The following IGF2R variants were observed in gnomAD, a reference collection of about 807,000 sequenced individuals.
IGF2R encodes cation-independent mannose-6-phosphate receptor.
A neutral mutation model predicts 270.6 loss-of-function variants in IGF2R; 91 were observed. The ratio of observed to expected loss-of-function variants is 0.34; its 90% CI spans 0.28 to 0.40. The LOEUF is 0.40. Ranked by LOEUF, IGF2R falls within the 10% of genes least tolerant of loss-of-function variation. The probability of loss-of-function intolerance (pLI) is 1.00; values close to 1 mark genes in which losing one functional copy is unlikely to be tolerated. For synonymous variants in IGF2R, 1,316 were observed against 1,258.9 expected (o/e 1.05, Z -0.96); for missense variants, 2,805 against 3,188.3 (o/e 0.88, Z 2.90).
At chr6:160,063,752 A>C (rs1778495151) in intron 27 of IGF2R, 122 bp downstream of exon 27, 2 of 712,324 alleles carry the variant, frequency 2.8e-6, no homozygotes, top group Admixed American at 2.9e-5. Flanking sequence ...AAAAAAAAAA[A>C]AAAGCATATT....
At position 160,024,563 on chromosome 6, in the gene IGF2R, C is replaced by G. The variant is rs148327536; in HGVS notation, c.514-9C>G. On this transcript the variant is annotated splice_polypyrimidine_tract_variant and intron_variant, in intron 4 of 47. Coordinates refer to ENST00000356956, the MANE Select transcript of IGF2R (RefSeq NM_000876.4). ...ACTGAAGACTCACTTTTTTCTTCCTCCCTTCCAGGTGCCATGCTATGTGTT... is the reference window on the plus strand; with the variant it reads ...ACTGAAGACTCACTTTTTTCTTCCTGCCTTCCAGGTGCCATGCTATGTGTT... The G allele has an allele frequency of 6.2e-7, 1 of 1,612,072 alleles. No individual in the cohort carries two copies. The highest frequency in any genetic ancestry group is 8.5e-7 in the Non-Finnish European group (1 of 1,179,416).
intron 4 of IGF2R, among the ~76,000 whole-genome samples, 174 bp from the exon 5 acceptor site, chr6:160,024,398 G>T (rs1308033576): frequency 6.6e-6 from 1 of 152,290 alleles, no homozygotes; most frequent in South Asian, 2.1e-4. Context: ...ATACCGAAAA[G>T]AACGCAGAGG....
intron 10 of IGF2R, among the ~76,000 whole-genome samples, chr6:160,036,951 C>T (rs1777840825): frequency 6.6e-6 from 1 of 152,072 alleles, no homozygotes; most frequent in Non-Finnish European, 1.5e-5. Context: ...GTGAAGGCCT[C>T]CCATAGCTCC....
chr6:160,022,337 C>T (rs778527430), intron 4 of IGF2R, among the ~76,000 whole-genome samples: 96 of 152,280 alleles, frequency 6.3e-4, no homozygotes, highest in Middle Eastern at 3.4e-3. Context: ...AAAGCACAGA[C>T]CTCACCACTG....
At chr6:160,067,215 G>T (rs1440074937) in intron 29 of IGF2R, among the ~76,000 whole-genome samples, 1 of 152,020 alleles carries the variant, frequency 6.6e-6, no homozygotes, top group Non-Finnish European at 1.5e-5. Flanking sequence ...TGTGCCTCGG[G>T]CCCTTTGCTC....
chr6:160,035,399 C>T (rs181698340), intron 10 of IGF2R, among the ~76,000 whole-genome samples: 1 of 152,298 alleles, frequency 6.6e-6, no homozygotes, highest in East Asian at 1.9e-4. Context: ...ATGATGTGAA[C>T]CATGCTCTCG....
rs201170949 is a variant in IGF2R at position 160,079,691 on chromosome 6, G to T, written c.5590G>T (p.Ala1864Ser). 5.2e-6 allele frequency: 8 copies of T among 1,542,598 alleles called. No homozygotes were observed. Among genetic ancestry groups the T allele is most frequent in the East Asian group, 2.3e-5 (1 of 42,612 alleles). ...GVCLLSGTKG[A>S]SFGRLQSMKL... The stretch of plus-strand genomic sequence containing the variant: ...CTGTCTGCTCTCAGGCACCAAGGGG[G>T]CATCCTTTGGACGGCTGCAATCAAT... The change falls in exon 38 of 48, where the codon GCA (alanine) becomes TCA (serine). Residue 1864 changes from alanine (A) to serine (S), a missense_variant. By Grantham distance (99) the Ala-to-Ser change is moderately conservative (BLOSUM62 1). Coordinates refer to ENST00000356956, the MANE Select transcript of IGF2R (RefSeq NM_000876.4).
chr6:159,969,220 C>A lies in IGF2R; in HGVS notation c.-27C>A. 3 of 985,944 alleles carry A rather than the reference C, an allele frequency of 3.0e-6. No individual in the cohort carries two copies. The highest frequency in any genetic ancestry group is 3.6e-6 in the Non-Finnish European group (3 of 831,198). The allele number at this position is 985,944 out of a possible 1,614,324, so 61.1% of individuals were successfully genotyped here. A position where few individuals can be genotyped will look rare whatever the true frequency, so the allele number is the denominator to read the frequency against. On this transcript the variant is annotated 5_prime_UTR_variant, in exon 1 of 48. Coordinates refer to ENST00000356956, the MANE Select transcript of IGF2R (RefSeq NM_000876.4). Reference sequence around the variant, plus strand: ...GCAGTCGCGCGCCGTTAGCCTCGCGCCCGCCGCGCAGTCCGGGCCCGGCGC... The same window carrying A: ...GCAGTCGCGCGCCGTTAGCCTCGCGACCGCCGCGCAGTCCGGGCCCGGCGC...
chr6:159,988,512 CAA>C (rs59531292), intron 1 of IGF2R, among the ~76,000 whole-genome samples: 15 of 50,468 alleles, frequency 3.0e-4, no homozygotes, highest in East Asian at 2.1e-3. Flanking sequence ...GACTCCGTCT[CAA>C]AAAAAAAAAA....
At position 160,102,702 on chromosome 6, in the gene IGF2R, G is replaced by A. The variant is rs1268719333; in HGVS notation, c.6995+31G>A. On this transcript the variant is annotated intron_variant, in intron 46 of 47. Coordinates refer to ENST00000356956, the MANE Select transcript of IGF2R (RefSeq NM_000876.4). The surrounding 1 kb of genome is among the most constrained non-coding windows in gnomAD (Gnocchi z 4.5). ...CGGGTGGCAGGGCGAGGTGGGGCGG[G>A]TGGATGCATGCCTCCCATAGCTAAT... The A allele has an allele frequency of 6.4e-7, 1 of 1,559,560 alleles. No individual in the cohort carries two copies. The highest frequency in any genetic ancestry group is 2.4e-5 in the East Asian group (1 of 42,202).
intron 2 of IGF2R, chr6:160,003,333 G>T (rs1784158848): frequency 6.6e-6 from 1 of 152,094 alleles, no homozygotes; most frequent in Non-Finnish European, 1.5e-5. Context: ...TTGAGTTTTG[G>T]ATACAACTCA....
In IGF2R at chr6:160,053,181, A is replaced by G. The variant is rs375523599; in HGVS notation, c.2694+2529A>G. Among the ~76,000 whole-genome samples, 170 of 152,262 alleles carry G rather than the reference A, an allele frequency of 1.1e-3. 5 individuals are homozygous for G. The South Asian group carries it at 0.034, about 30-fold the overall frequency. On this transcript the variant is annotated intron_variant, in intron 19 of 47. Coordinates refer to ENST00000356956, the MANE Select transcript of IGF2R (RefSeq NM_000876.4). ...AAACTATCATAAGGACAGAAAACCA[A>G]ACACTGCATGTTCTCACTTATAGGT...
chr6:159,990,138 T>TA (rs1409634030), intron 1 of IGF2R, among the ~76,000 whole-genome samples: 1 of 152,234 alleles, frequency 6.6e-6, no homozygotes, highest in African/African-American at 2.4e-5. Flanking sequence ...AAAATAGAGT[T>TA]AAAAAATCCT....
Position 160,061,555 on chromosome 6 carries a change from T to C in IGF2R, c.3315T>C (p.Pro1105=). The C allele has an allele frequency of 2.5e-6, 4 of 1,614,112 alleles. No individual in the cohort carries two copies. The highest frequency in any genetic ancestry group is 2.5e-6 in the Non-Finnish European group (3 of 1,179,980). Residue 1105 remains proline, a synonymous_variant, in exon 24 of 48, where the codon CCT becomes CCC. Transcript: ENST00000356956. ...CTGGCCTAAGCACAGTCAGGAAACC[T>C]TGGACGGCTGTTGACACCTCTGTCG... is the stretch of plus-strand genomic sequence containing the variant. ...DLTGLSTVRK[P]WTAVDTSVDG...
At chr6:160,091,720 G>T (rs1465277680) in intron 44 of IGF2R, among the ~76,000 whole-genome samples, 1 of 152,224 alleles carries the variant, frequency 6.6e-6, no homozygotes, top group African/African-American at 2.4e-5. Flanking sequence ...GTCACAGGTT[G>T]TGCCTTCTCT....
intron 28 of IGF2R, 90 bp from the exon 29 acceptor site, chr6:160,064,714 C>A (rs1366543319): frequency 8.9e-7 from 1 of 1,122,626 alleles, no homozygotes; most frequent in Admixed American, 1.9e-5. Context: ...TGAACGTAAC[C>A]ATTCTTTACT....
rs180964946 is a variant in IGF2R, at chr6:159,987,983, C to T, written c.150-3201C>T. 9.5e-4 allele frequency among the ~76,000 whole-genome samples: 145 copies of T among 152,262 alleles called. 1 individual carries two copies. Among genetic ancestry groups the T allele is most frequent in the Middle Eastern group, 3.4e-3 (1 of 294 alleles). The stretch of plus-strand genomic sequence containing the variant: ...AGTATTTTAATAGGCTCCTCCTTTC[C>T]TACTCCCATAACCACTTACATTTGA... On this transcript the variant is annotated intron_variant, in intron 1 of 47. Coordinates refer to ENST00000356956, the MANE Select transcript of IGF2R (RefSeq NM_000876.4).
At chr6:160,100,034 C>A (rs1472447991) in intron 45 of IGF2R, among the ~76,000 whole-genome samples, 1 of 151,720 alleles carries the variant, frequency 6.6e-6, no homozygotes, top group Admixed American at 6.6e-5. Context: ...TCCAAAACAG[C>A]GGAGAAGAAA....
Position 160,106,491 on chromosome 6 carries a change from T to C in IGF2R, c.*1407T>C, listed in dbSNP as rs1779624922. 1.3e-5 allele frequency: 2 copies of C among 152,708 alleles called. No individual in the cohort carries two copies. Among genetic ancestry groups the C allele is most frequent in the African/African-American group, 4.8e-5 (2 of 41,578 alleles). The allele number at this position is 152,708 out of a possible 1,614,324, so 9.5% of individuals were successfully genotyped here. A position where few individuals can be genotyped will look rare whatever the true frequency, so the allele number is the denominator to read the frequency against. On this transcript the variant is annotated 3_prime_UTR_variant, in exon 48 of 48. Transcript: ENST00000356956. Reference sequence around the variant, plus strand: ...AATTGATTTTTCTCTTCATTTTTTTTTCAATCAACTTTACTGTAATATAAA... The same window carrying C: ...AATTGATTTTTCTCTTCATTTTTTTCTCAATCAACTTTACTGTAATATAAA...
Sources: gnomAD v4.1 joint callset for allele counts (sites outside exome capture counted in the v4.1 genomes callset) on GRCh38, gnomAD v4.1.1 for gene constraint, Gnocchi (gnomAD v3.1) non-coding constraint, MANE v1.5 for transcripts, NCBI Gene and HGNC (gene_info 2026-07-23, HGNC 2026-07-21) for gene names.